GFRA2: variants seen among roughly 807,000 people sequenced by gnomAD.
The protein encoded by GFRA2 is GDNF family receptor alpha-2.
A neutral mutation model predicts 48.3 loss-of-function variants in GFRA2; 17 were observed. That is an observed-to-expected ratio of 0.35 (90% CI 0.24 to 0.53). The LOEUF is 0.53. GFRA2 is among the 20% of genes least tolerant of loss of function. The probability of loss-of-function intolerance (pLI) is 0.93; values close to 1 mark genes in which losing one functional copy is unlikely to be tolerated. For synonymous variants in GFRA2, 305 were observed against 257.2 expected (o/e 1.19, Z -1.78); for missense variants, 660 against 637.3 (o/e 1.04, Z -0.38).
At position 21,782,567 on chromosome 8, in the gene GFRA2, AG is replaced by A; in HGVS notation, c.355+17del. 6.5e-7 allele frequency: 1 copy of A among 1,545,174 alleles called. No homozygotes were observed. On this transcript the variant is annotated intron_variant, in intron 2 of 8. Transcript: ENST00000524240. ...GCGCCACACCCCCTCCCCTTGGGCA[AG>A]CCCCGCCCAGGCTTACCCTCGGTCA...
At chr8:21,739,082 A>G (rs987884315) in intron 4 of GFRA2, among the ~76,000 whole-genome samples, 2 of 152,166 alleles carry the variant, frequency 1.3e-5, no homozygotes, top group Non-Finnish European at 2.9e-5. Context: ...CCATGGATGG[A>G]GGGAAGAAGG....
In GFRA2 at chr8:21,775,036, G is replaced by A; in HGVS notation, c.375C>T (p.Ala125=). Residue 125 remains alanine, a synonymous_variant, in exon 3 of 9, where the codon GCC becomes GCT. Coordinates refer to ENST00000524240, the MANE Select transcript of GFRA2 (RefSeq NM_001495.5). ...GLTEGEEFYE[A]SPYEPVTSRL... Reference sequence around the variant, plus strand: ...GGGAGGTCACCGGCTCATAGGGGGAGGCTTCGTAGAACTCCTCACCTGGAA... The same window carrying A: ...GGGAGGTCACCGGCTCATAGGGGGAAGCTTCGTAGAACTCCTCACCTGGAA... 6.3e-7 allele frequency: 1 copy of A among 1,595,546 alleles called. No individual in the cohort carries two copies. Among genetic ancestry groups the A allele is most frequent in the Non-Finnish European group, 8.6e-7 (1 of 1,163,534 alleles).
At chr8:21,776,460 G>A (rs74304551) in intron 2 of GFRA2, among the ~76,000 whole-genome samples, 7,549 of 146,028 alleles carry the variant, frequency 0.052, 548 homozygotes, top group African/African-American at 0.17. Flanking sequence ...GCCTCATCCA[G>A]ACGAGACTCT....
At position 21,782,586 on chromosome 8, in the gene GFRA2, C is replaced by G. The variant is rs1807063541; in HGVS notation, c.354G>C (p.Glu118Asp). 2 of 1,568,944 alleles carry G rather than the reference C, an allele frequency of 1.3e-6. No homozygotes were observed. The highest frequency in any genetic ancestry group is 1.4e-5 in the African/African-American group (1 of 73,850). ...TGGGCAAGCCCCGCCCAGGCTTACC[C>G]TCGGTCAGCCCCAGGTGGATGCTCC... ...IYWSIHLGLT[E>D]GEEFYEASPY... Residue 118 changes from glutamate to aspartate, a missense_variant and splice_region_variant, in exon 2 of 9, where the codon GAG becomes GAC. Physicochemically the swap from Glu to Asp is conservative, Grantham distance 45. Coordinates refer to ENST00000524240, the MANE Select transcript of GFRA2 (RefSeq NM_001495.5).
chr8:21,776,479 T>C (rs1806714053), intron 2 of GFRA2, among the ~76,000 whole-genome samples: 1 of 151,116 alleles, frequency 6.6e-6, no homozygotes, highest in African/African-American at 2.4e-5. Flanking sequence ...CTTTTTTTTT[T>C]TTTTTTTTGA....
intron 3 of GFRA2, among the ~76,000 whole-genome samples, chr8:21,757,927 C>T (rs753452317): frequency 6.6e-6 from 1 of 152,154 alleles, no homozygotes; most frequent in Non-Finnish European, 1.5e-5. Context: ...ATTTTTCTAA[C>T]CCATTAGAAT....
chr8:21,729,769 C>A (rs1804089018), intron 4 of GFRA2, among the ~76,000 whole-genome samples: 1 of 152,206 alleles, frequency 6.6e-6, no homozygotes, highest in Admixed American at 6.5e-5. Flanking sequence ...ACCGCCACCC[C>A]CAAAGGGCTT....
chr8:21,761,782 T>C (rs1339465012), intron 3 of GFRA2, among the ~76,000 whole-genome samples: 1 of 152,038 alleles, frequency 6.6e-6, no homozygotes, highest in Non-Finnish European at 1.5e-5. Flanking sequence ...AAACCCCATC[T>C]CTACTAAAGA....
chr8:21,759,904 A>G (rs1805814424), intron 3 of GFRA2, among the ~76,000 whole-genome samples: 2 of 151,948 alleles, frequency 1.3e-5, no homozygotes, highest in East Asian at 1.9e-4. Context: ...AAAAAAAAAA[A>G]AAGAATGACC....
intron 2 of GFRA2, among the ~76,000 whole-genome samples, chr8:21,798,708 T>G (rs905551593): frequency 2.1e-4 from 32 of 152,258 alleles, no homozygotes; most frequent in African/African-American, 6.7e-4. Context: ...CCATGGTGAG[T>G]TCTGGGGACC....
chr8:21,804,448 C>G (rs376989638), intron 2 of GFRA2, among the ~76,000 whole-genome samples: 3 of 135,548 alleles, frequency 2.2e-5, no homozygotes, highest in African/African-American at 8.1e-5. Context: ...AAAAAAAAAA[C>G]AAACTGGTGC....
intron 3 of GFRA2, among the ~76,000 whole-genome samples, 162 bp downstream of exon 3, chr8:21,774,810 C>A (rs1806614232): frequency 1.3e-5 from 2 of 152,182 alleles, no homozygotes; most frequent in African/African-American, 4.8e-5. Context: ...GCATCGTGTT[C>A]TTTACAGAGG....
chr8:21,760,030 CAAGCA>C (rs1057376977), intron 3 of GFRA2, among the ~76,000 whole-genome samples: 3 of 151,954 alleles, frequency 2.0e-5, no homozygotes, highest in East Asian at 1.9e-4. Flanking sequence ...AAGAGAATTC[CAAGCA>C]AAGGAGGAGC....
chr8:21,778,898 A>G (rs1692005698), intron 2 of GFRA2, among the ~76,000 whole-genome samples: 1 of 151,814 alleles, frequency 6.6e-6, no homozygotes, highest in Non-Finnish European at 1.5e-5. Context: ...ATTAAAAAAT[A>G]AATAAATAAA....
chr8:21,738,394 G>A (rs1028229070), intron 4 of GFRA2, among the ~76,000 whole-genome samples: 6 of 151,396 alleles, frequency 4.0e-5, no homozygotes, highest in African/African-American at 1.5e-4. Flanking sequence ...TCTGCCCTCT[G>A]CCTTGGTCCT....
At chr8:21,767,143 C>T (rs1806205207) in intron 3 of GFRA2, among the ~76,000 whole-genome samples, 1 of 150,208 alleles carries the variant, frequency 6.7e-6, no homozygotes, top group African/African-American at 2.5e-5. Flanking sequence ...CACACCACCA[C>T]ACACATGCAT....
At chr8:21,757,131 C>T (rs1467886658) in intron 3 of GFRA2, among the ~76,000 whole-genome samples, 4 of 152,294 alleles carry the variant, frequency 2.6e-5, no homozygotes, top group East Asian at 3.9e-4. Context: ...ACCCGGGGAG[C>T]GCAGCCAGCT....
At chr8:21,738,209 C>G (rs1334521718) in intron 4 of GFRA2, among the ~76,000 whole-genome samples, 1 of 90,252 alleles carries the variant, frequency 1.1e-5, no homozygotes, top group African/African-American at 3.7e-5. Context: ...CTCCTCCTCC[C>G]CCTCCTCCTC....
intron 4 of GFRA2, among the ~76,000 whole-genome samples, chr8:21,746,532 G>A (rs1458702396): frequency 6.6e-6 from 1 of 152,126 alleles, no homozygotes; most frequent in East Asian, 1.9e-4. Context: ...GCCTCCTAAA[G>A]TGAGCCATGT....
Sources: allele counts gnomAD v4.1 joint callset (sites outside exome capture counted in the v4.1 genomes callset), GRCh38; gene constraint gnomAD v4.1.1; transcripts MANE v1.5; gene names NCBI Gene and HGNC (gene_info 2026-07-23, HGNC 2026-07-21).